Variants in ADAMTSL1 observed in about 807,000 individuals in gnomAD.
The protein encoded by ADAMTSL1 is ADAMTS like 1.
Under a neutral mutation model 201.8 loss-of-function variants are expected in ADAMTSL1, and 126 were observed. The ratio of observed to expected loss-of-function variants is 0.62; its 90% CI spans 0.54 to 0.72. ADAMTSL1 has a LOEUF of 0.72. Ranked by LOEUF, ADAMTSL1 falls within the 30% of genes least tolerant of loss-of-function variation. The pLI is 0.00. For synonymous variants in ADAMTSL1, 1,121 were observed against 903.4 expected (o/e 1.24, Z -4.32); for missense variants, 2,679 against 2,277.8 (o/e 1.18, Z -3.59).
At chr9:18,534,897 G>A (rs1587486784) in intron 3 of ADAMTSL1, among the ~76,000 whole-genome samples, 2 of 152,288 alleles carry the variant, frequency 1.3e-5, no homozygotes, top group Admixed American at 6.5e-5. Flanking sequence ...CTAGAGCAGG[G>A]GGCCACAGAC....
At chr9:18,832,067 A>G (rs1040046678) in intron 23 of ADAMTSL1, among the ~76,000 whole-genome samples, 22 of 152,206 alleles carry the variant, frequency 1.4e-4, no homozygotes, top group African/African-American at 4.8e-4. Context: ...GTAAAACACC[A>G]TTGCTTTAAG....
chr9:18,160,734 T>C (rs969744124), intron 1 of ADAMTSL1, among the ~76,000 whole-genome samples: 2 of 151,644 alleles, frequency 1.3e-5, no homozygotes, highest in Non-Finnish European at 2.9e-5. Flanking sequence ...GGCCAGAGTG[T>C]AGTGGCACAG....
intron 1 of ADAMTSL1, among the ~76,000 whole-genome samples, chr9:18,158,002 C>T (rs1378956951): frequency 6.6e-6 from 1 of 151,994 alleles, no homozygotes; most frequent in Non-Finnish European, 1.5e-5. Context: ...CCCACCAACA[C>T]AGCAACCAAA....
At chr9:18,751,257 C>A (rs1188239985) in intron 15 of ADAMTSL1, among the ~76,000 whole-genome samples, 1 of 152,066 alleles carries the variant, frequency 6.6e-6, no homozygotes, top group Non-Finnish European at 1.5e-5. Context: ...AAATTCAAGC[C>A]AGCTTCTCTT....
At position 17,939,676 on chromosome 9, in the gene ADAMTSL1, A is replaced by G. The variant is rs74530462; in HGVS notation, c.87+32754A>G. Among the ~76,000 whole-genome samples the G allele has an allele frequency of 3.7e-3, 557 of 152,150 alleles. 7 individuals carry two copies. The highest frequency in any genetic ancestry group is 0.012 in the African/African-American group (482 of 41,516). On this transcript the variant is annotated intron_variant, in intron 1 of 29. Coordinates refer to the ADAMTSL1 transcript ENST00000680146. ...TGGATTTTGATGTTCTGCCTCATTC[A>G]TTCATTCATTTACTTAGGGCCCATT...
rs143948330 is a variant in ADAMTSL1 at position 17,992,383 on chromosome 9, G to A, written c.87+85461G>A. On this transcript the variant is annotated intron_variant, in intron 1 of 29. Coordinates refer to the ADAMTSL1 transcript ENST00000680146. ...AATATATTCAATGCCATTCACATTGGTTAACTTTAGCTATCTCTTTTTTAA... is the reference window on the plus strand; with the variant it reads ...AATATATTCAATGCCATTCACATTGATTAACTTTAGCTATCTCTTTTTTAA... 4.7e-3 allele frequency among the ~76,000 whole-genome samples: 713 copies of A among 152,244 alleles called. 4 individuals are homozygous for A. The highest frequency in any genetic ancestry group is 0.016 in the African/African-American group (683 of 41,546).
intron 2 of ADAMTSL1, among the ~76,000 whole-genome samples, chr9:18,209,648 G>C (rs1829790503): frequency 6.6e-6 from 1 of 152,146 alleles, no homozygotes; most frequent in Non-Finnish European, 1.5e-5. Context: ...AGAAATGCAA[G>C]TTTTAGCCTT....
intron 23 of ADAMTSL1, among the ~76,000 whole-genome samples, chr9:18,840,026 G>A (rs2131312557): frequency 6.7e-6 from 1 of 149,862 alleles, no homozygotes; most frequent in Admixed American, 6.6e-5. Context: ...CTGTGCAGAA[G>A]CTCTTTAGTT....
chr9:18,775,049 T>C (rs1820895755), intron 17 of ADAMTSL1, among the ~76,000 whole-genome samples: 1 of 123,866 alleles, frequency 8.1e-6, no homozygotes, highest in African/African-American at 2.6e-5. Flanking sequence ...ACACTTGTTG[T>C]CTTTTTTTTT....
At chr9:18,203,245 G>A (rs1829521047) in intron 2 of ADAMTSL1, among the ~76,000 whole-genome samples, 1 of 152,034 alleles carries the variant, frequency 6.6e-6, no homozygotes, top group Admixed American at 6.6e-5. Flanking sequence ...CCTCTAATAG[G>A]ATGCTGAGAG....
At chr9:18,763,027 G>T (rs751260740) in intron 16 of ADAMTSL1, among the ~76,000 whole-genome samples, 15 of 152,134 alleles carry the variant, frequency 9.9e-5, no homozygotes, top group Non-Finnish European at 1.8e-4. Flanking sequence ...ATACCCAGCA[G>T]TATGATTGCT....
intron 1 of ADAMTSL1, among the ~76,000 whole-genome samples, chr9:18,499,813 T>C (rs914710896): frequency 2.6e-5 from 4 of 152,214 alleles, no homozygotes; most frequent in Non-Finnish European, 5.9e-5. Context: ...ACACTTCTCT[T>C]ATACTATAAC....
chr9:18,756,118 T>TATATATATATATATATATATATAC (rs1819745985), intron 16 of ADAMTSL1, among the ~76,000 whole-genome samples: 1 of 74,816 alleles, frequency 1.3e-5, no homozygotes, highest in African/African-American at 4.4e-5. Flanking sequence ...TATATATATA[T>TATATATATATATATATATATATAC]ATATACAAAA....
chr9:18,776,496 A>T (rs1208408136), intron 18 of ADAMTSL1, among the ~76,000 whole-genome samples: 1 of 152,184 alleles, frequency 6.6e-6, no homozygotes, highest in African/African-American at 2.4e-5. Flanking sequence ...CCCAGCAGGG[A>T]GACATTGGGT....
intron 1 of ADAMTSL1, among the ~76,000 whole-genome samples, chr9:18,011,210 A>G (rs141991524): frequency 6.0e-4 from 92 of 152,194 alleles, no homozygotes; most frequent in African/African-American, 2.2e-3. Context: ...TTCTGTAACC[A>G]TGAAATTAAG....
chr9:18,720,911 G>C (rs1370024812), intron 14 of ADAMTSL1, among the ~76,000 whole-genome samples: 1 of 152,210 alleles, frequency 6.6e-6, no homozygotes, highest in Non-Finnish European at 1.5e-5. Context: ...AGGGCCTGCG[G>C]GTGTCAGTGG....
At chr9:18,285,928 C>T (rs1832975620) in intron 2 of ADAMTSL1, among the ~76,000 whole-genome samples, 1 of 152,062 alleles carries the variant, frequency 6.6e-6, no homozygotes, top group Admixed American at 6.6e-5. Flanking sequence ...GACTGCACAG[C>T]CACCACTATG....
chr9:18,389,746 A>T (rs1311083704), intron 2 of ADAMTSL1, among the ~76,000 whole-genome samples: 1 of 151,964 alleles, frequency 6.6e-6, no homozygotes, highest in Non-Finnish European at 1.5e-5. Context: ...AAAAATACAG[A>T]TGGCCATCAT....
At chr9:18,192,133 A>T (rs1434230172) in intron 2 of ADAMTSL1, among the ~76,000 whole-genome samples, 2 of 152,078 alleles carry the variant, frequency 1.3e-5, no homozygotes, top group East Asian at 3.9e-4. Context: ...TTCTAATAGG[A>T]ATATTTGGAT....
Sources: allele counts gnomAD v4.1 joint callset (sites outside exome capture counted in the v4.1 genomes callset), GRCh38; gene constraint gnomAD v4.1.1; transcripts MANE v1.5; gene names NCBI Gene and HGNC (gene_info 2026-07-23, HGNC 2026-07-21).